The following DOLPP1 variants were observed in gnomAD, a reference collection of about 807,000 sequenced individuals.
The protein encoded by DOLPP1 is dolichyl pyrophosphate phosphatase 1.
A neutral mutation model predicts 34.1 loss-of-function variants in DOLPP1; 15 were observed. The ratio of observed to expected loss-of-function variants is 0.44; its 90% CI spans 0.29 to 0.68. The LOEUF (loss-of-function observed/expected upper bound fraction) is 0.68. DOLPP1 is among the 30% of genes least tolerant of loss of function. The pLI, the probability that DOLPP1 is intolerant of heterozygous loss-of-function variation, is 0.12. For missense variants in DOLPP1, 249 were observed against 307.1 expected (o/e 0.81, Z 1.41); for synonymous variants, 130 against 128.2 (o/e 1.01, Z -0.10).
intron 1 of DOLPP1, among the ~76,000 whole-genome samples, chr9:129,081,915 G>A (rs1846896684): frequency 1.3e-5 from 2 of 151,774 alleles, no homozygotes; most frequent in Non-Finnish European, 3.0e-5. Context: ...CTCCAGTTGA[G>A]GCTGAGGCCT....
chr9:129,085,060 T>C lies in DOLPP1; in HGVS notation c.215T>C (p.Val72Ala). 6.3e-7 allele frequency: 1 copy of C among 1,588,028 alleles called. No individual in the cohort carries two copies. The highest frequency in any genetic ancestry group is 8.6e-7 in the Non-Finnish European group (1 of 1,167,154). ...FLGGLALNEG[V>A]NWLIKNVIQE... The stretch of plus-strand genomic sequence containing the variant: ...GGGGGCCTGGCACTGAACGAGGGGG[T>C]CAACTGGCTGATCAAAAACGTCATC... The change falls in exon 3 of 8, where the codon GTC becomes GCC. Residue 72 changes from valine to alanine, a missense_variant. By Grantham distance (64) the Val-to-Ala change is moderately conservative. Coordinates refer to ENST00000372546, the MANE Select transcript of DOLPP1 (RefSeq NM_020438.5). The surrounding 1 kb of genome is among the most constrained non-coding windows in gnomAD (Gnocchi z 7.0).
At chr9:129,088,135 T>TG (rs1474132052) in intron 7 of DOLPP1, among the ~76,000 whole-genome samples, 1 of 21,796 alleles carries the variant, frequency 4.6e-5, no homozygotes, top group Non-Finnish European at 9.6e-5. Context: ...GAGCTGGGGG[T>TG]GGGGGGAGGT....
At position 129,086,808 on chromosome 9, in the gene DOLPP1, G is replaced by A; in HGVS notation, c.680+10G>A. On this transcript the variant is annotated intron_variant, in intron 7 of 7. Transcript: ENST00000372546. ...CCCGGGCAGAAGCCAGGTGAGTTCA[G>A]GGGACAGCAGTGCTCACTGGGCCAG... 1 of 1,612,554 alleles carries A rather than the reference G, an allele frequency of 6.2e-7. No individual in the cohort carries two copies. Among genetic ancestry groups the A allele is most frequent in the Non-Finnish European group, 8.5e-7 (1 of 1,179,336 alleles).
In DOLPP1 at chr9:129,085,113, G is replaced by A; in HGVS notation, c.262+6G>A. ...GGAGCCACGGCCCTGTGGAGGTAGGGCCTCAGCTGCGAGGGCCTGAGGTTC... is the reference window on the plus strand; with the variant it reads ...GGAGCCACGGCCCTGTGGAGGTAGGACCTCAGCTGCGAGGGCCTGAGGTTC... On this transcript the variant is annotated splice_donor_region_variant and intron_variant, in intron 3 of 7. Transcript: ENST00000372546. This position sits in a 1 kb window ranked among gnomAD's most constrained non-coding sequence, Gnocchi z 7.0. 3.7e-6 allele frequency: 6 copies of A among 1,602,078 alleles called. No homozygotes were observed. Among genetic ancestry groups the A allele is most frequent in the Non-Finnish European group, 5.1e-6 (6 of 1,173,826 alleles).
chr9:129,088,672 C>G (rs1033074153), intron 7 of DOLPP1, among the ~76,000 whole-genome samples: 1 of 152,222 alleles, frequency 6.6e-6, no homozygotes, highest in Admixed American at 6.5e-5. Flanking sequence ...AATTGGAACC[C>G]AGCCAGGTCC....
intron 1 of DOLPP1, among the ~76,000 whole-genome samples, chr9:129,083,063 G>A (rs1846920665): frequency 6.6e-6 from 1 of 152,202 alleles, no homozygotes; most frequent in Admixed American, 6.5e-5. Flanking sequence ...AGGGCACGAT[G>A]CGCTCAGGGA....
At chr9:129,082,062 T>G (rs1357758434) in intron 1 of DOLPP1, among the ~76,000 whole-genome samples, 1 of 152,210 alleles carries the variant, frequency 6.6e-6, no homozygotes, top group Non-Finnish European at 1.5e-5. Flanking sequence ...CGGCATGCAG[T>G]AAGCGTTCAG....
rs1158699775 is a variant in DOLPP1, at chr9:129,089,794, TG to T, written c.*788del. 3 of 152,634 alleles carry T rather than the reference TG, an allele frequency of 2.0e-5. No homozygotes were observed. Among genetic ancestry groups the T allele is most frequent in the Admixed American group, 2.0e-4 (3 of 15,288 alleles). 9.5% of individuals were successfully genotyped at this position (152,634 alleles called of 1,614,324 possible). The stretch of plus-strand genomic sequence containing the variant: ...ACCCAAGCTGTTTACAGCTCTTTCT[TG>T]TCCTGCCATCCAGTAGCAGTTAGTC... On this transcript the variant is annotated 3_prime_UTR_variant, in exon 8 of 8. Coordinates refer to ENST00000372546, the MANE Select transcript of DOLPP1 (RefSeq NM_020438.5). This position sits in a 1 kb window ranked among gnomAD's most constrained non-coding sequence, Gnocchi z 4.9.
At chr9:129,088,210 G>C (rs543745187) in intron 7 of DOLPP1, among the ~76,000 whole-genome samples, 1 of 150,936 alleles carries the variant, frequency 6.6e-6, no homozygotes, top group Non-Finnish European at 1.5e-5. Context: ...TGGGGGAAAC[G>C]TTCTCAGCAG....
chr9:129,081,181 C>G lies in DOLPP1; in HGVS notation c.50C>G (p.Thr17Ser), dbSNP rs137894807. ...CTCCCCGCTTCATGGCGGCCGGTGA[C>G]CCTCACCCACGTCGAATATCCTGCA... ...CSLPASWRPV[T>S]LTHVEYPAGD... Residue 17 changes from threonine to serine, a missense_variant, in exon 1 of 8, where the codon ACC (threonine) becomes AGC (serine). Transcript: ENST00000372546. 1.7e-5 allele frequency: 28 copies of G among 1,610,260 alleles called. No homozygotes were observed. The highest frequency in any genetic ancestry group is 2.1e-5 in the Non-Finnish European group (25 of 1,179,624).
intron 1 of DOLPP1, among the ~76,000 whole-genome samples, chr9:129,082,002 G>A (rs1257696074): frequency 2.6e-5 from 4 of 152,210 alleles, no homozygotes; most frequent in African/African-American, 9.7e-5. Context: ...TTCTGGTGAT[G>A]GTATGAGCAT....
At position 129,086,131 on chromosome 9, in the gene DOLPP1, T is replaced by C. The variant is rs1400301905; in HGVS notation, c.462-8T>C. ...CTCTCACATACTTCGCTTCTGGCCT[T>C]GGCCCAGGGTCTACCTGCTGTACCA... is the stretch of plus-strand genomic sequence containing the variant. On this transcript the variant is annotated splice_region_variant and splice_polypyrimidine_tract_variant and intron_variant, in intron 5 of 7. Coordinates refer to ENST00000372546, the MANE Select transcript of DOLPP1 (RefSeq NM_020438.5). 3.7e-6 allele frequency: 6 copies of C among 1,612,724 alleles called. No individual in the cohort carries two copies. Among genetic ancestry groups the C allele is most frequent in the Non-Finnish European group, 3.4e-6 (4 of 1,179,572 alleles).
In DOLPP1 at chr9:129,084,725, T is replaced by C. The variant is rs779213054; in HGVS notation, c.134T>C (p.Val45Ala). Residue 45 changes from valine to alanine, a missense_variant, in exon 2 of 8, where the codon GTC becomes GCC. Physicochemically the swap from Val to Ala is moderately conservative, Grantham distance 64 (BLOSUM62 0). Transcript: ENST00000372546. ...AGCCTCAGCCCTGTATTTGTCATCG[T>C]CGGTTTCGTGACCCTCATCATATTT... ...YLSLSPVFVI[V>A]GFVTLIIFKR... 6.8e-6 allele frequency: 11 copies of C among 1,614,096 alleles called. No homozygotes were observed. The highest frequency in any genetic ancestry group is 1.7e-5 in the Admixed American group (1 of 60,020).
intron 1 of DOLPP1, among the ~76,000 whole-genome samples, chr9:129,081,699 C>T (rs193065288): frequency 8.5e-5 from 13 of 152,304 alleles, no homozygotes; most frequent in Admixed American, 7.8e-4. Context: ...CTTGTGGTGC[C>T]ACGCCCTGAG....
In DOLPP1 at chr9:129,081,274, C is replaced by T; in HGVS notation, c.76+67C>T. The T allele has an allele frequency of 2.5e-6, 4 of 1,576,086 alleles. No homozygotes were observed. In the South Asian group the frequency reaches 4.5e-5, roughly 18 times the overall value. On this transcript the variant is annotated intron_variant, in intron 1 of 7. Coordinates refer to ENST00000372546, the MANE Select transcript of DOLPP1 (RefSeq NM_020438.5). ...GGCCTCTCAGTCCCGGGCGCTCCGG[C>T]CTGCTCGAGCCCGCGGAGGGGGCGC...
chr9:129,083,170 C>G (rs190110381), intron 1 of DOLPP1, among the ~76,000 whole-genome samples: 1 of 152,070 alleles, frequency 6.6e-6, no homozygotes, highest in Admixed American at 6.6e-5. Flanking sequence ...GGGAACTTGT[C>G]CTAAGGGCAG....
intron 1 of DOLPP1, among the ~76,000 whole-genome samples, chr9:129,083,064 C>T (rs763615755): frequency 1.4e-4 from 21 of 152,218 alleles, no homozygotes; most frequent in African/African-American, 4.3e-4. Flanking sequence ...GGGCACGATG[C>T]GCTCAGGGAA....
chr9:129,083,272 G>C (rs1192706094), intron 1 of DOLPP1, among the ~76,000 whole-genome samples: 2 of 152,156 alleles, frequency 1.3e-5, no homozygotes, highest in Non-Finnish European at 2.9e-5. Context: ...GCTGGCTCTG[G>C]GACAGGCTAT....
chr9:129,088,773 A>G (rs1351135225), intron 7 of DOLPP1, among the ~76,000 whole-genome samples, 198 bp from the exon 8 acceptor site: 1 of 152,214 alleles, frequency 6.6e-6, no homozygotes, highest in Non-Finnish European at 1.5e-5. Context: ...TAACTGAGGT[A>G]CAGGCCTCGC....
Sources: allele counts gnomAD v4.1 joint callset (sites outside exome capture counted in the v4.1 genomes callset), GRCh38; gene constraint gnomAD v4.1.1; non-coding constraint Gnocchi (gnomAD v3.1); transcripts MANE v1.5; gene names NCBI Gene and HGNC (gene_info 2026-07-23, HGNC 2026-07-21).